PCDHA9: variants seen among roughly 807,000 people sequenced by gnomAD.
PCDHA9 encodes protocadherin alpha-9.
PCDHA9 carries 62 observed loss-of-function variants against 62.0 expected under a neutral mutation model. That is an observed-to-expected ratio of 1.00 (90% CI 0.81 to 1.23). PCDHA9 has a LOEUF of 1.23. PCDHA9 is among the 50% of genes most tolerant of loss of function. PCDHA9 has a pLI of 0.00. For synonymous variants in PCDHA9, 557 were observed against 567.6 expected (o/e 0.98, Z 0.27); for missense variants, 1,205 against 1,249.8 (o/e 0.96, Z 0.54).
intron 1 of PCDHA9, among the ~76,000 whole-genome samples, chr5:140,944,853 C>G (rs1230548858): frequency 6.6e-6 from 1 of 152,118 alleles, no homozygotes; most frequent in Non-Finnish European, 1.5e-5. Context: ...TTAGAATCAT[C>G]CTTATTTATC....
rs547873702 is a variant in PCDHA9 at position 140,879,516 on chromosome 5, T to C, written c.2394+28627T>C. 3.3e-5 allele frequency among the ~76,000 whole-genome samples: 5 copies of C among 152,322 alleles called. No homozygotes were observed. The East Asian group carries it at 7.7e-4, about 23-fold the overall frequency. On this transcript the variant is annotated intron_variant, in intron 1 of 3. Transcript: ENST00000532602. The stretch of plus-strand genomic sequence containing the variant: ...TGGATCTCAGAAGAGATTATTGATA[T>C]AGATTTTGGGAACAACTCCTTTAGA...
chr5:140,863,075 C>T (rs546237964), intron 1 of PCDHA9: 87 of 569,532 alleles, frequency 1.5e-4, no homozygotes, highest in South Asian at 9.6e-4. Flanking sequence ...GGGCTCTGCA[C>T]GGGCGAGATC....
At chr5:140,991,716 A>G (rs1287772391) in intron 3 of PCDHA9, among the ~76,000 whole-genome samples, 1 of 152,164 alleles carries the variant, frequency 6.6e-6, no homozygotes, top group East Asian at 1.9e-4. Flanking sequence ...TATTGCTACT[A>G]GCAGCCTGTT....
intron 1 of PCDHA9, chr5:140,863,365 G>A (rs2047972870): frequency 2.5e-6 from 3 of 1,201,540 alleles, no homozygotes; most frequent in South Asian, 2.4e-5. Flanking sequence ...GCGGTGCTTG[G>A]CGCAGCTCAC....
chr5:140,884,383 C>T lies in PCDHA9; in HGVS notation c.2394+33494C>T, dbSNP rs185410866. The T allele has an allele frequency of 5.2e-5, 84 of 1,613,994 alleles. No homozygotes were observed. In the Admixed American group the frequency reaches 1.4e-3, roughly 27 times the overall value. ...ATGTTTACTTGATCATTGCCATCTG[C>T]GCGGTGTCCAGCCTGTTGGTGCTCA... On this transcript the variant is annotated intron_variant, in intron 1 of 3. Transcript: ENST00000532602.
intron 1 of PCDHA9, among the ~76,000 whole-genome samples, chr5:140,895,936 G>A (rs1428112046): frequency 6.6e-6 from 1 of 151,984 alleles, no homozygotes; most frequent in Non-Finnish European, 1.5e-5. Context: ...TCAGCCTCCC[G>A]AGTAGCTGGG....
chr5:140,874,673 TG>T (rs1192690253), intron 1 of PCDHA9, among the ~76,000 whole-genome samples: 4 of 152,260 alleles, frequency 2.6e-5, no homozygotes, highest in African/African-American at 9.6e-5. Context: ...AATCTATTCC[TG>T]AGATTTGTTT....
At chr5:140,877,926 G>T (rs1554170225) in intron 1 of PCDHA9, 1 of 1,415,760 alleles carries the variant, frequency 7.1e-7, no homozygotes, top group East Asian at 2.5e-5. Flanking sequence ...TTTTCTTTAT[G>T]ATTCTATCCT....
At chr5:140,873,007 C>A (rs1363151505) in intron 1 of PCDHA9, among the ~76,000 whole-genome samples, 1 of 152,206 alleles carries the variant, frequency 6.6e-6, no homozygotes, top group Admixed American at 6.5e-5. Context: ...AGTCATTCTT[C>A]ATATTTAGTT....
In PCDHA9 at chr5:140,979,026, A is replaced by AT. The variant is rs2096832382; in HGVS notation, c.2453+21dup. On this transcript the variant is annotated intron_variant, in intron 2 of 3. Coordinates refer to ENST00000532602, the MANE Select transcript of PCDHA9 (RefSeq NM_031857.2). ...TGCACAGGTATGTATTTCCCTCCTC[A>AT]TTCACTCAGAAGTAACCTTAACTTG... 1 of 1,613,372 alleles carries AT rather than the reference A, an allele frequency of 6.2e-7. No homozygotes were observed. The highest frequency in any genetic ancestry group is 1.3e-5 in the African/African-American group (1 of 74,882).
At chr5:140,894,317 A>G (rs2064424513) in intron 1 of PCDHA9, among the ~76,000 whole-genome samples, 1 of 152,034 alleles carries the variant, frequency 6.6e-6, no homozygotes, top group Non-Finnish European at 1.5e-5. Flanking sequence ...TTCTTAAATT[A>G]TAGATTTTAG....
At position 140,875,445 on chromosome 5, in the gene PCDHA9, C is replaced by G; in HGVS notation, c.2394+24556C>G. The G allele has an allele frequency of 2.5e-6, 4 of 1,582,278 alleles. No individual in the cohort carries two copies. The South Asian group carries it at 3.5e-5, about 14-fold the overall frequency. On this transcript the variant is annotated intron_variant, in intron 1 of 3. Transcript: ENST00000532602. Reference sequence around the variant, plus strand: ...CAAGCGATCCCTTAAAACTGATTGTCCCAACTCAGAGGCCCTCATTTTCTG... The same window carrying G: ...CAAGCGATCCCTTAAAACTGATTGTGCCAACTCAGAGGCCCTCATTTTCTG...
rs1266651704 is a variant in PCDHA9, at chr5:140,877,267, G to A, written c.2394+26378G>A. ...GGTGGCGAAAGTGCGCGCGGTGGAC[G>A]CTGACTCCGGCTATAACGCTTGGCT... On this transcript the variant is annotated intron_variant, in intron 1 of 3. Coordinates refer to ENST00000532602, the MANE Select transcript of PCDHA9 (RefSeq NM_031857.2). 1.2e-5 allele frequency: 20 copies of A among 1,613,680 alleles called. No homozygotes were observed. Among genetic ancestry groups the A allele is most frequent in the Admixed American group, 6.7e-5 (4 of 59,982 alleles).
At chr5:140,917,037 GCA>G (rs2077840325) in intron 1 of PCDHA9, among the ~76,000 whole-genome samples, 1 of 152,268 alleles carries the variant, frequency 6.6e-6, no homozygotes, top group African/African-American at 2.4e-5. Context: ...GCTGAGTCCA[GCA>G]CAGTGTTGTT....
chr5:140,869,838 A>G, intron 1 of PCDHA9: 6 of 1,611,734 alleles, frequency 3.7e-6, no homozygotes, highest in Non-Finnish European at 5.1e-6. Context: ...TTGATAAATC[A>G]GAATATAAGG....
intron 1 of PCDHA9, chr5:140,926,714 C>G: frequency 1.1e-6 from 1 of 951,084 alleles, no homozygotes; most frequent in Non-Finnish European, 1.4e-6. Context: ...TGGCCAGCCC[C>G]GGCAATGCCG....
At chr5:141,004,303 T>C (rs2098161196) in intron 3 of PCDHA9, among the ~76,000 whole-genome samples, 2 of 152,178 alleles carry the variant, frequency 1.3e-5, no homozygotes, top group South Asian at 4.1e-4. Context: ...GATGTTTGTT[T>C]TATACAACAA....
At chr5:140,884,439 C>T (rs1554181562) in intron 1 of PCDHA9, 1 of 1,613,818 alleles carries the variant, frequency 6.2e-7, no homozygotes, top group Non-Finnish European at 8.5e-7. Flanking sequence ...CTGCGGTGCT[C>T]GGCACCGCCC....
At chr5:140,892,803 A>T (rs1554185373) in intron 1 of PCDHA9, among the ~76,000 whole-genome samples, 1 of 152,174 alleles carries the variant, frequency 6.6e-6, no homozygotes. Context: ...ATTATAGTTA[A>T]CCATATTTAT....
Sources: allele counts gnomAD v4.1 joint callset (sites outside exome capture counted in the v4.1 genomes callset), GRCh38; gene constraint gnomAD v4.1.1; transcripts MANE v1.5; gene names NCBI Gene and HGNC (gene_info 2026-07-23, HGNC 2026-07-21).